The following LRCH3 variants were observed in gnomAD, a reference collection of about 807,000 sequenced individuals.
The protein encoded by LRCH3 is leucine rich repeats and calponin homology domain containing 3, also known as DISP complex protein LRCH3.
In LRCH3, 68 loss-of-function variants were observed where a neutral mutation model predicts 104.5. The ratio of observed to expected loss-of-function variants is 0.65; its 90% CI spans 0.54 to 0.80. The LOEUF is 0.80. Ranked by LOEUF, LRCH3 falls within the 30% of genes least tolerant of loss-of-function variation. The pLI is 0.00. For synonymous variants in LRCH3, 344 were observed against 361.3 expected, an observed-to-expected ratio of 0.95 and a Z score of 0.54; for missense variants, 951 against 953.9, an observed-to-expected ratio of 1.00 and a Z score of 0.04.
chr3:197,795,686 GTTTTTTTT>G (rs1167369678), intron 1 of LRCH3, among the ~76,000 whole-genome samples: 1 of 65,818 alleles, frequency 1.5e-5, no homozygotes, highest in Non-Finnish European at 2.7e-5. Flanking sequence ...AAAAGTTGTT[GTTTTTTTT>G]TTTTTTTTTT....
intron 20 of LRCH3, among the ~76,000 whole-genome samples, chr3:197,877,968 A>G (rs1713097470): frequency 1.3e-5 from 2 of 152,230 alleles, no homozygotes; most frequent in Non-Finnish European, 2.9e-5. Flanking sequence ...GAAATAACAT[A>G]CATTCTTTTA....
intron 1 of LRCH3, among the ~76,000 whole-genome samples, chr3:197,813,801 G>C (rs530268795): frequency 1.3e-5 from 2 of 152,158 alleles, no homozygotes; most frequent in South Asian, 4.1e-4. Context: ...AAAGTGCTGG[G>C]ATTACAGGCG....
chr3:197,826,211 A>C (rs1382282799), intron 4 of LRCH3, among the ~76,000 whole-genome samples: 1 of 152,248 alleles, frequency 6.6e-6, no homozygotes, highest in African/African-American at 2.4e-5. Context: ...CATTATATAA[A>C]GGCCTTTTAT....
intron 2 of LRCH3, 61 bp downstream of exon 2, chr3:197,815,113 C>A: frequency 9.5e-7 from 1 of 1,052,652 alleles, no homozygotes; most frequent in Non-Finnish European, 1.3e-6. Context: ...CGATTTTCCC[C>A]TTTCCCTAAA....
intron 1 of LRCH3, among the ~76,000 whole-genome samples, chr3:197,803,966 A>G (rs892015294): frequency 1.3e-5 from 2 of 152,058 alleles, no homozygotes; most frequent in Admixed American, 1.3e-4. Flanking sequence ...TCTATTAAAA[A>G]ATGAAAAGGG....
rs1331328598 is a variant in LRCH3 at position 197,883,778 on chromosome 3, C to G, written c.*112C>G. On this transcript the variant is annotated 3_prime_UTR_variant, in exon 21 of 21. Transcript: ENST00000425562. This position sits in a 1 kb window ranked among gnomAD's most constrained non-coding sequence, Gnocchi z 4.2. ...GCTCTTGTGTGTTCTCAGAAGGGAC[C>G]GTTCCCATGATTCCTAACAGGAATA... The G allele has an allele frequency of 2.7e-6, 3 of 1,124,424 alleles. No homozygotes were observed. The East Asian group carries it at 8.9e-5, about 33-fold the overall frequency. 69.7% of individuals were successfully genotyped at this position (1,124,424 alleles called of 1,614,324 possible).
At chr3:197,857,265 G>T (rs1020274609) in intron 14 of LRCH3, among the ~76,000 whole-genome samples, 1 of 150,836 alleles carries the variant, frequency 6.6e-6, no homozygotes, top group African/African-American at 2.5e-5. Context: ...ATTCTCTTCC[G>T]GCTACCCCTC....
chr3:197,794,833 G>C (rs1218679007), intron 1 of LRCH3, among the ~76,000 whole-genome samples: 2 of 151,922 alleles, frequency 1.3e-5, no homozygotes, highest in African/African-American at 4.8e-5. Context: ...GGTGAAACCC[G>C]GTCTCAACTA....
intron 13 of LRCH3, among the ~76,000 whole-genome samples, chr3:197,853,175 A>G (rs1739848783): frequency 6.6e-6 from 1 of 151,764 alleles, no homozygotes; most frequent in South Asian, 2.1e-4. Context: ...TTAAAAACCT[A>G]CCAGTTTTTT....
At chr3:197,850,755 A>G (rs913281348) in intron 12 of LRCH3, 19 of 1,288,156 alleles carry the variant, frequency 1.5e-5, no homozygotes, top group Admixed American at 1.0e-4. Context: ...ACACCTGCCA[A>G]CTCCATCATT....
chr3:197,845,435 G>GAA (rs1302046378), intron 10 of LRCH3, among the ~76,000 whole-genome samples: 1 of 150,324 alleles, frequency 6.7e-6, no homozygotes, highest in East Asian at 1.9e-4. Context: ...AAGAAAGAAA[G>GAA]AAACATAGGT....
At position 197,875,661 on chromosome 3, in the gene LRCH3, ACTT is replaced by A. The variant is rs771071930; in HGVS notation, c.2131-34_2131-32del. 1.7e-5 allele frequency: 26 copies of A among 1,491,342 alleles called. No homozygotes were observed. The East Asian group carries it at 5.4e-4, about 31-fold the overall frequency. The allele number at this position is 1,491,342 out of a possible 1,614,324, so 92.4% of individuals were successfully genotyped here. A position where few individuals can be genotyped will look rare whatever the true frequency, so the allele number is the denominator to read the frequency against. ...AGTGAGACCCTGTCCCAGAAACAAA[ACTT>A]CTCTAGTAACACATTTTCTTTTCCT... On this transcript the variant is annotated intron_variant, in intron 19 of 20. Transcript: ENST00000425562.
At chr3:197,835,516 AAAG>A (rs1736654690) in intron 8 of LRCH3, among the ~76,000 whole-genome samples, 155 bp from the exon 9 acceptor site, 1 of 152,112 alleles carries the variant, frequency 6.6e-6, no homozygotes, top group Non-Finnish European at 1.5e-5. Flanking sequence ...AAAAAAAAAA[AAAG>A]ACTTAAGTAA....
At chr3:197,852,782 G>A (rs1218879415) in intron 13 of LRCH3, among the ~76,000 whole-genome samples, 162 bp downstream of exon 13, 1 of 152,136 alleles carries the variant, frequency 6.6e-6, no homozygotes, top group South Asian at 2.1e-4. Flanking sequence ...AAGCCAAGGA[G>A]TTTACTAGAA....
At chr3:197,860,789 A>G (rs897724764) in intron 15 of LRCH3, among the ~76,000 whole-genome samples, 4 of 152,254 alleles carry the variant, frequency 2.6e-5, no homozygotes, top group African/African-American at 9.6e-5. Context: ...TAAATGTACA[A>G]TTAAATTATT....
intron 20 of LRCH3, among the ~76,000 whole-genome samples, chr3:197,876,934 A>G (rs74761541): frequency 1.5e-4 from 7 of 46,802 alleles, no homozygotes; most frequent in African/African-American, 5.8e-4. Flanking sequence ...TCTTTACCCA[A>G]CTCACCGCAC....
intron 1 of LRCH3, among the ~76,000 whole-genome samples, chr3:197,800,185 A>G (rs1731718934): frequency 6.6e-6 from 1 of 151,076 alleles, no homozygotes; most frequent in Admixed American, 6.6e-5. Flanking sequence ...CCTAGGCGAC[A>G]GAGTGAGACT....
chr3:197,862,945 G>A (rs950713101), intron 15 of LRCH3, among the ~76,000 whole-genome samples: 1 of 152,152 alleles, frequency 6.6e-6, no homozygotes, highest in Non-Finnish European at 1.5e-5. Flanking sequence ...TTGTCTCCAA[G>A]TGAGTCTTGA....
chr3:197,835,560 A>C, intron 8 of LRCH3, 114 bp from the exon 9 acceptor site: 1 of 1,335,118 alleles, frequency 7.5e-7, no homozygotes, highest in Non-Finnish European at 9.6e-7. Flanking sequence ...TCCCACTTTC[A>C]AAATAGAAAA....
Sources: gnomAD v4.1 joint callset for allele counts (sites outside exome capture counted in the v4.1 genomes callset) on GRCh38, gnomAD v4.1.1 for gene constraint, Gnocchi (gnomAD v3.1) non-coding constraint, MANE v1.5 for transcripts, NCBI Gene and HGNC (gene_info 2026-07-23, HGNC 2026-07-21) for gene names.